SAMD4A: variants seen among roughly 807,000 people sequenced by gnomAD.
SAMD4A encodes protein Smaug homolog 1.
Under a neutral mutation model 81.3 loss-of-function variants are expected in SAMD4A, and 33 were observed. The ratio of observed to expected loss-of-function variants is 0.41; its 90% CI spans 0.31 to 0.54. The LOEUF (loss-of-function observed/expected upper bound fraction) is 0.54, where lower values mean the gene tolerates loss of function less well. Among genes scored for constraint, SAMD4A ranks in the 20% least tolerant of loss-of-function variants. The pLI is 0.37. For missense variants in SAMD4A, 854 were observed against 951.1 expected, an observed-to-expected ratio of 0.90 and a Z score of 1.34; for synonymous variants, 389 against 382.1, an observed-to-expected ratio of 1.02 and a Z score of -0.21.
At chr14:54,585,021 G>T (rs541577562) in intron 2 of SAMD4A, among the ~76,000 whole-genome samples, 1 of 152,158 alleles carries the variant, frequency 6.6e-6, no homozygotes, top group Admixed American at 6.5e-5. Flanking sequence ...GCTATATTTA[G>T]TGTCTTCTAC....
chr14:54,582,845 T>C (rs1435931988), intron 2 of SAMD4A, among the ~76,000 whole-genome samples: 1 of 152,212 alleles, frequency 6.6e-6, no homozygotes, highest in African/African-American at 2.4e-5. Flanking sequence ...TTCTCAAATG[T>C]TTATATATAA....
intron 2 of SAMD4A, among the ~76,000 whole-genome samples, chr14:54,672,369 G>A (rs374761744): frequency 2.6e-4 from 40 of 152,244 alleles, no homozygotes; most frequent in East Asian, 2.5e-3. Context: ...AAAACCAACC[G>A]TGGGAGACTA....
chr14:54,764,591 T>C, intron 8 of SAMD4A, 51 bp downstream of exon 8: 1 of 1,228,262 alleles, frequency 8.1e-7, no homozygotes, highest in Non-Finnish European at 1.2e-6. Context: ...TGCTTAGAAA[T>C]GGTTCTCAGA....
At chr14:54,765,389 G>A (rs2038510045) in intron 8 of SAMD4A, among the ~76,000 whole-genome samples, 1 of 151,482 alleles carries the variant, frequency 6.6e-6, no homozygotes, top group South Asian at 2.1e-4. Flanking sequence ...TTGGGAGGCC[G>A]AGGTGGGAGG....
chr14:54,566,444 T>C (rs958476424), upstream of SAMD4A, among the ~76,000 whole-genome samples: 5 of 151,712 alleles, frequency 3.3e-5, no homozygotes, highest in African/African-American at 7.2e-5. Flanking sequence ...TAGCGGCTCC[T>C]TGAAGGCTGA....
chr14:54,666,397 C>T (rs185108830), intron 2 of SAMD4A, among the ~76,000 whole-genome samples: 1 of 152,254 alleles, frequency 6.6e-6, no homozygotes. Context: ...CCCTGGATAC[C>T]CATATCCATA....
At chr14:54,599,831 A>T (rs1179896883) in intron 2 of SAMD4A, among the ~76,000 whole-genome samples, 1 of 152,168 alleles carries the variant, frequency 6.6e-6, no homozygotes, top group Non-Finnish European at 1.5e-5. Flanking sequence ...TATTCTTCAT[A>T]TTACAGGTCA....
At chr14:54,568,151 CA>C in intron 2 of SAMD4A, 39 bp downstream of exon 2, 5 of 1,431,790 alleles carry the variant, frequency 3.5e-6, no homozygotes, top group Non-Finnish European at 4.6e-6. Flanking sequence ...CCCGCCTGCC[CA>C]ACCCCCGCTC....
chr14:54,753,342 T>A (rs4606616), intron 6 of SAMD4A, among the ~76,000 whole-genome samples: 70,248 of 147,164 alleles, frequency 0.48, 14,555 homozygotes, highest in Middle Eastern at 0.55. Context: ...AGAATGGCGA[T>A]GACTTTTACC....
In SAMD4A at chr14:54,760,270, G is replaced by A. The variant is rs770820663; in HGVS notation, c.1286G>A (p.Arg429His). The change falls in exon 7 of 13, where the codon CGC (arginine) becomes CAC (histidine). Residue 429 changes from arginine to histidine, a missense_variant. Physicochemically the swap from Arg to His is conservative, Grantham distance 29. Coordinates refer to ENST00000554335, the MANE Select transcript of SAMD4A (RefSeq NM_015589.6). ...SSPSTTPEAR[R>H]REPQAPRQPS... The stretch of plus-strand genomic sequence containing the variant: ...CCGAGCACCACCCCCGAGGCTCGCC[G>A]CCGGGAGCCCCAGGCCCCGCGTCAG... 31 of 1,612,300 alleles carry A rather than the reference G, an allele frequency of 1.9e-5. No individual in the cohort carries two copies. The highest frequency in any genetic ancestry group is 3.3e-5 in the South Asian group (3 of 90,952).
chr14:54,656,866 C>T (rs1388202003), intron 2 of SAMD4A, among the ~76,000 whole-genome samples: 1 of 152,146 alleles, frequency 6.6e-6, no homozygotes, highest in Non-Finnish European at 1.5e-5. Context: ...TTTGGCCTCT[C>T]AAAGTGCTGG....
chr14:54,617,119 G>A (rs1427464505), intron 2 of SAMD4A, among the ~76,000 whole-genome samples: 3 of 152,244 alleles, frequency 2.0e-5, no homozygotes, highest in Middle Eastern at 3.4e-3. Flanking sequence ...ATTTAATTGT[G>A]TGGTGATGTT....
At chr14:54,579,998 C>T (rs1042714568) in intron 2 of SAMD4A, among the ~76,000 whole-genome samples, 1 of 152,158 alleles carries the variant, frequency 6.6e-6, no homozygotes, top group Non-Finnish European at 1.5e-5. Context: ...AAATATGTTA[C>T]AGTTGGTATA....
At chr14:54,716,557 TA>T (rs1379803382) in intron 3 of SAMD4A, among the ~76,000 whole-genome samples, 1 of 152,188 alleles carries the variant, frequency 6.6e-6, no homozygotes, top group African/African-American at 2.4e-5. Flanking sequence ...TCCCATTGAG[TA>T]AAACTATGAT....
chr14:54,748,698 TC>T lies in SAMD4A; in HGVS notation c.980-116del, dbSNP rs1297349961. The T allele has an allele frequency of 2.3e-5, 16 of 682,488 alleles. No homozygotes were observed. The Admixed American group carries it at 4.0e-4, about 17-fold the overall frequency. 42.3% of individuals were successfully genotyped at this position (682,488 alleles called of 1,614,324 possible). ...ATAGTAACATAAAGGTGTTACTTTT[TC>T]TTTTTTTTTCCTTTGACCATCACCC... On this transcript the variant is annotated intron_variant, in intron 4 of 12. Coordinates refer to ENST00000554335, the MANE Select transcript of SAMD4A (RefSeq NM_015589.6).
intron 3 of SAMD4A, among the ~76,000 whole-genome samples, chr14:54,725,303 C>G (rs1347910311): frequency 6.6e-6 from 1 of 152,198 alleles, no homozygotes; most frequent in Non-Finnish European, 1.5e-5. Flanking sequence ...GGAGGTGATT[C>G]ACATCTCCTG....
intron 2 of SAMD4A, among the ~76,000 whole-genome samples, chr14:54,598,732 A>G (rs942481439): frequency 6.6e-6 from 1 of 152,348 alleles, no homozygotes; most frequent in Middle Eastern, 3.4e-3. Context: ...AGAAAACAAA[A>G]TAGACAATCT....
At chr14:54,662,843 G>T (rs897100299) in intron 2 of SAMD4A, among the ~76,000 whole-genome samples, 3 of 152,152 alleles carry the variant, frequency 2.0e-5, no homozygotes, top group Non-Finnish European at 4.4e-5. Flanking sequence ...CACACCCCAC[G>T]TTGACCCCCA....
At chr14:54,583,719 A>G (rs1014299405) in intron 2 of SAMD4A, among the ~76,000 whole-genome samples, 3 of 152,222 alleles carry the variant, frequency 2.0e-5, no homozygotes, top group Non-Finnish European at 4.4e-5. Flanking sequence ...AATAGAATGG[A>G]TACTGGAATC....
Sources: allele counts gnomAD v4.1 joint callset (sites outside exome capture counted in the v4.1 genomes callset), GRCh38; gene constraint gnomAD v4.1.1; transcripts MANE v1.5; gene names NCBI Gene and HGNC (gene_info 2026-07-23, HGNC 2026-07-21).